PKP2: variants seen among roughly 807,000 people sequenced by gnomAD.
PKP2 encodes plakophilin 2.
Under a neutral mutation model 83.4 loss-of-function variants are expected in PKP2, and 73 were observed. That is an observed-to-expected ratio of 0.88 (90% confidence interval 0.72 to 1.06). The LOEUF is 1.06. Among genes scored for constraint, PKP2 ranks in the 50% least tolerant of loss-of-function variants. PKP2 has a pLI of 0.00. For synonymous variants in PKP2, 409 were observed against 430.4 expected, an observed-to-expected ratio of 0.95 and a Z score of 0.62; for missense variants, 966 against 1,065.4, an observed-to-expected ratio of 0.91 and a Z score of 1.30.
intron 9 of PKP2, 165 bp downstream of exon 9, chr12:32,821,191 G>T: frequency 1.5e-6 from 1 of 657,014 alleles, no homozygotes; most frequent in South Asian, 1.8e-5. Flanking sequence ...AGCCTGACTT[G>T]ACTTTGCATA....
intron 4 of PKP2, among the ~76,000 whole-genome samples, chr12:32,857,950 T>C (rs991641040): frequency 2.0e-5 from 3 of 147,888 alleles, no homozygotes; most frequent in Non-Finnish European, 4.5e-5. Flanking sequence ...GAATAGGCCC[T>C]GGTGTGGTGG....
At chr12:32,889,161 G>GAA (rs1264065652) in intron 1 of PKP2, among the ~76,000 whole-genome samples, 1 of 152,122 alleles carries the variant, frequency 6.6e-6, no homozygotes, top group Non-Finnish European at 1.5e-5. Context: ...AGGAAGGGAG[G>GAA]GAGACAAGGA....
chr12:32,863,867 A>G (rs1592756432), intron 4 of PKP2, among the ~76,000 whole-genome samples: 1 of 152,318 alleles, frequency 6.6e-6, no homozygotes, highest in East Asian at 1.9e-4. Flanking sequence ...ACAGACACTA[A>G]AAGTACAGAT....
intron 6 of PKP2, among the ~76,000 whole-genome samples, chr12:32,838,011 T>A (rs920577009): frequency 6.6e-6 from 1 of 152,206 alleles, no homozygotes; most frequent in Admixed American, 6.6e-5. Flanking sequence ...TAAATTGTTC[T>A]ATCAAAAAGG....
At position 32,796,294 on chromosome 12, in the gene PKP2, T is replaced by A. The variant is rs752507257; in HGVS notation, c.2172A>T (p.Lys724Asn). The A allele has an allele frequency of 6.2e-7, 1 of 1,610,292 alleles. No individual in the cohort carries two copies. The highest frequency in any genetic ancestry group is 8.5e-7 in the Non-Finnish European group (1 of 1,178,280). Residue 724 changes from lysine (K) to asparagine (N), a missense_variant, in exon 11 of 13, where the codon AAA (lysine) becomes AAT (asparagine). Coordinates refer to ENST00000340811, the MANE Select transcript of PKP2 (RefSeq NM_001005242.3). ...RNLSLQNEIAKETLPDLVSII... is the reference protein window; with the variant it reads ...RNLSLQNEIANETLPDLVSII... The stretch of plus-strand genomic sequence containing the variant: ...TGGAAACCAAATCAGGGAGAGTTTC[T>A]TTGGCTACAAAATGAAAAAAAAAAC...
At chr12:32,848,715 A>T (rs1956670393) in intron 5 of PKP2, among the ~76,000 whole-genome samples, 1 of 152,190 alleles carries the variant, frequency 6.6e-6, no homozygotes, top group African/African-American at 2.4e-5. Context: ...CCTGGGTGAC[A>T]GGACCATTCG....
chr12:32,849,190 T>C (rs1426603737), intron 5 of PKP2, among the ~76,000 whole-genome samples: 1 of 152,124 alleles, frequency 6.6e-6, no homozygotes, highest in Non-Finnish European at 1.5e-5. Context: ...TTACTGATGA[T>C]TGCACTCAGT....
intron 10 of PKP2, among the ~76,000 whole-genome samples, chr12:32,801,656 T>C (rs888345370): frequency 6.6e-6 from 1 of 152,222 alleles, no homozygotes; most frequent in Non-Finnish European, 1.5e-5. Flanking sequence ...AAACCGAATT[T>C]GAGTTGTTAG....
chr12:32,868,882 G>T (rs1212651040), intron 4 of PKP2, 45 bp downstream of exon 4: 1 of 1,596,886 alleles, frequency 6.3e-7, no homozygotes. Flanking sequence ...CATAATAGAA[G>T]TGAAAGTGTG....
intron 3 of PKP2, among the ~76,000 whole-genome samples, chr12:32,876,780 T>A (rs1484407999): frequency 6.6e-6 from 1 of 152,240 alleles, no homozygotes; most frequent in Non-Finnish European, 1.5e-5. Flanking sequence ...TTCGCTCGCC[T>A]GGGCATCCCA....
rs571329556 is a variant in PKP2, at chr12:32,894,527, G to C, written c.223+1982C>G. On this transcript the variant is annotated intron_variant, in intron 1 of 12. Transcript: ENST00000340811. ...TGACAGACACATACTTCATATGTGAGATGGATTCTCATATCTATCTCAGCA... is the reference window on the plus strand; with the variant it reads ...TGACAGACACATACTTCATATGTGACATGGATTCTCATATCTATCTCAGCA... 9.9e-5 allele frequency: 15 copies of C among 152,280 alleles called. No homozygotes were observed. The East Asian group carries it at 2.9e-3, about 29-fold the overall frequency. The allele number at this position is 152,280 out of a possible 1,614,324, so 9.4% of individuals were successfully genotyped here.
At chr12:32,808,017 C>T (rs1275722255) in intron 9 of PKP2, among the ~76,000 whole-genome samples, 1 of 152,140 alleles carries the variant, frequency 6.6e-6, no homozygotes, top group Non-Finnish European at 1.5e-5. Context: ...ATAATCTTCT[C>T]ATGGAGTATC....
intron 1 of PKP2, among the ~76,000 whole-genome samples, chr12:32,892,358 G>A (rs1957081611): frequency 6.8e-6 from 1 of 148,052 alleles, no homozygotes; most frequent in Non-Finnish European, 1.5e-5. Context: ...CCATCGCCCA[G>A]GCTGGAGGCA....
intron 6 of PKP2, 29 bp downstream of exon 6, chr12:32,840,998 TC>T: frequency 6.3e-7 from 1 of 1,581,764 alleles, no homozygotes; most frequent in Admixed American, 1.7e-5. Flanking sequence ...TATTGCATCT[TC>T]TATCAGGGCA....
chr12:32,858,282 C>T (rs572477349), intron 4 of PKP2, among the ~76,000 whole-genome samples: 2 of 149,850 alleles, frequency 1.3e-5, no homozygotes, highest in South Asian at 2.1e-4. Context: ...CCAGCCTGGG[C>T]AACAGAACAA....
chr12:32,892,418 T>A (rs564685956), intron 1 of PKP2, among the ~76,000 whole-genome samples: 3 of 151,378 alleles, frequency 2.0e-5, no homozygotes, highest in Non-Finnish European at 4.4e-5. Context: ...GTTCAAGCAA[T>A]TCTCCTGCCT....
intron 4 of PKP2, among the ~76,000 whole-genome samples, chr12:32,860,258 A>G (rs1956786381): frequency 6.6e-6 from 1 of 152,200 alleles, no homozygotes; most frequent in South Asian, 2.1e-4. Flanking sequence ...CTGAACAGAA[A>G]CAGAACTCCT....
rs558560352 is a variant in PKP2, at chr12:32,861,188, C to T, written c.1170+7739G>A. On this transcript the variant is annotated intron_variant, in intron 4 of 12. Transcript: ENST00000340811. ...ATGCCTAGGAGCCAATAAAAACTGC[C>T]AGGCATGCAAAGAAGAAGAAAAATA... 1.4e-4 allele frequency among the ~76,000 whole-genome samples: 21 copies of T among 152,182 alleles called. No individual in the cohort carries two copies. The East Asian group carries it at 3.9e-3, about 28-fold the overall frequency.
intron 9 of PKP2, among the ~76,000 whole-genome samples, chr12:32,808,951 G>A (rs966430095): frequency 9.2e-5 from 14 of 152,172 alleles, no homozygotes; most frequent in African/African-American, 2.9e-4. Flanking sequence ...CCAAATGCTC[G>A]TTTCAGAGGT....
Sources: allele counts gnomAD v4.1 joint callset (sites outside exome capture counted in the v4.1 genomes callset), GRCh38; gene constraint gnomAD v4.1.1; transcripts MANE v1.5; gene names NCBI Gene and HGNC (gene_info 2026-07-23, HGNC 2026-07-21).